GRM7: variants seen among roughly 807,000 people sequenced by gnomAD.
The protein encoded by GRM7 is glutamate metabotropic receptor 7.
A neutral mutation model predicts 84.5 loss-of-function variants in GRM7; 35 were observed. That is an observed-to-expected ratio of 0.41 (90% CI 0.32 to 0.55). The LOEUF (loss-of-function observed/expected upper bound fraction) is 0.55, where lower values mean the gene tolerates loss of function less well. Among genes scored for constraint, GRM7 ranks in the 20% least tolerant of loss-of-function variants. The pLI is 0.19. For synonymous variants in GRM7, 487 were observed against 455.1 expected (o/e 1.07, Z -0.89); for missense variants, 1,003 against 1,194.6 (o/e 0.84, Z 2.36).
At chr3:6,936,713 C>T (rs1288476930) in intron 1 of GRM7, among the ~76,000 whole-genome samples, 1 of 152,216 alleles carries the variant, frequency 6.6e-6, no homozygotes, top group Non-Finnish European at 1.5e-5. Context: ...CACAAGTCCC[C>T]TTTCCACGAC....
chr3:6,922,038 G>T (rs867543851), intron 1 of GRM7, among the ~76,000 whole-genome samples: 5 of 152,194 alleles, frequency 3.3e-5, no homozygotes, highest in Non-Finnish European at 7.3e-5. Flanking sequence ...GGGCCGTGGG[G>T]TTAGGTTTTC....
At chr3:7,461,784 T>G (rs139755291) in intron 7 of GRM7, 62 bp downstream of exon 7, 214 of 1,477,934 alleles carry the variant, frequency 1.4e-4, no homozygotes, top group Non-Finnish European at 1.9e-4. Flanking sequence ...TTTAATTTGC[T>G]CAGTTATACA....
chr3:6,988,284 C>T (rs1361655885), intron 1 of GRM7, among the ~76,000 whole-genome samples: 22 of 148,594 alleles, frequency 1.5e-4, no homozygotes, highest in African/African-American at 5.0e-4. Context: ...GCTGGGATTA[C>T]AGGCGTGATC....
Position 7,410,656 on chromosome 3 carries a change from C to CACACACACACACA in GRM7, c.1034-4367_1034-4366insACACACACACACA, listed in dbSNP as rs1553585549. 2.0e-3 allele frequency among the ~76,000 whole-genome samples: 280 copies of CACACACACACACA among 142,654 alleles called. 1 individual carries two copies. Among genetic ancestry groups the CACACACACACACA allele is most frequent in the African/African-American group, 6.8e-3 (264 of 38,676 alleles). The allele number at this position is 142,654 out of a possible 152,430, so 93.6% of individuals were successfully genotyped here. ...ACACATACACACAAAACCACCACCA[C>CACACACACACACA]CACACACACACACACACACACACGC... On this transcript the variant is annotated intron_variant, in intron 4 of 9. Coordinates refer to ENST00000357716, the MANE Select transcript of GRM7 (RefSeq NM_000844.4).
chr3:7,228,941 G>A (rs1210401230), intron 2 of GRM7, among the ~76,000 whole-genome samples: 1 of 152,210 alleles, frequency 6.6e-6, no homozygotes, highest in East Asian at 1.9e-4. Flanking sequence ...AATAACTTGA[G>A]AAATGTTGAC....
rs572021154 is a variant in GRM7, at chr3:7,367,604, T to C, written c.1034-47419T>C. ...TGTAGGAGAATAAACATGGGAGGGT[T>C]GAGGGCCCTGCATAATAATAATATC... On this transcript the variant is annotated intron_variant, in intron 4 of 9. Coordinates refer to ENST00000357716, the MANE Select transcript of GRM7 (RefSeq NM_000844.4). Among the ~76,000 whole-genome samples the C allele has an allele frequency of 2.2e-3, 334 of 151,990 alleles. 3 individuals are homozygous for C. The highest frequency in any genetic ancestry group is 7.7e-3 in the African/African-American group (319 of 41,518).
intron 1 of GRM7, among the ~76,000 whole-genome samples, chr3:6,990,760 C>A (rs928120809): frequency 2.0e-5 from 3 of 152,218 alleles, no homozygotes; most frequent in Non-Finnish European, 4.4e-5. Context: ...TTCTCCCCAA[C>A]ATTCCTCCTT....
chr3:7,223,575 T>A (rs1296747431), intron 2 of GRM7, among the ~76,000 whole-genome samples: 1 of 152,164 alleles, frequency 6.6e-6, no homozygotes, highest in Non-Finnish European at 1.5e-5. Context: ...CATCTTTCCT[T>A]TTTTATAGAA....
intron 1 of GRM7, among the ~76,000 whole-genome samples, chr3:6,959,239 T>C (rs773276111): frequency 4.6e-5 from 7 of 152,184 alleles, no homozygotes; most frequent in Non-Finnish European, 8.8e-5. Context: ...ACCTTTGCTT[T>C]GGTTGTATGG....
chr3:7,608,024 G>T (rs1471637221), intron 8 of GRM7: 2 of 348,318 alleles, frequency 5.7e-6, no homozygotes, highest in Non-Finnish European at 1.2e-5. Flanking sequence ...AAGGATAACA[G>T]CCTCCAGCTC....
At chr3:7,259,953 G>GTTGTTTTTTTTT (rs1553638860) in intron 2 of GRM7, among the ~76,000 whole-genome samples, 1 of 89,668 alleles carries the variant, frequency 1.1e-5, no homozygotes, top group Non-Finnish European at 1.9e-5. Context: ...ACCAGCATCT[G>GTTGTTTTTTTTT]TTTTTTTTTT....
At chr3:6,937,196 C>T (rs1697723394) in intron 1 of GRM7, among the ~76,000 whole-genome samples, 1 of 152,214 alleles carries the variant, frequency 6.6e-6, no homozygotes, top group African/African-American at 2.4e-5. Context: ...TATCAATTAT[C>T]ATAAATCACT....
Position 7,252,415 on chromosome 3 carries a change from G to T in GRM7, c.737-46269G>T, listed in dbSNP as rs146672693. ...TGCACATGGTCTGGGGATGTTGATGGCCTGTTGATTCTTTAAAGTGGCAGT... is the reference window on the plus strand; with the variant it reads ...TGCACATGGTCTGGGGATGTTGATGTCCTGTTGATTCTTTAAAGTGGCAGT... On this transcript the variant is annotated intron_variant, in intron 2 of 9. Transcript: ENST00000357716. 6.6e-5 allele frequency among the ~76,000 whole-genome samples: 10 copies of T among 152,266 alleles called. No homozygotes were observed. In the East Asian group the frequency reaches 1.7e-3, roughly 27 times the overall value.
At chr3:7,109,093 A>G (rs1365136282) in intron 1 of GRM7, among the ~76,000 whole-genome samples, 1 of 152,060 alleles carries the variant, frequency 6.6e-6, no homozygotes, top group Non-Finnish European at 1.5e-5. Context: ...GCTGAGCATA[A>G]AAGAGGCTGA....
chr3:7,086,994 A>G (rs796125511), intron 1 of GRM7, among the ~76,000 whole-genome samples: 8 of 152,294 alleles, frequency 5.3e-5, no homozygotes, highest in African/African-American at 1.9e-4. Flanking sequence ...GACATGGAAC[A>G]GACACATTTC....
At chr3:7,609,579 G>A (rs1401902637) in intron 8 of GRM7, among the ~76,000 whole-genome samples, 1 of 152,098 alleles carries the variant, frequency 6.6e-6, no homozygotes, top group East Asian at 1.9e-4. Flanking sequence ...ATGGGTAGGT[G>A]GGTGAATGTG....
At chr3:6,964,483 C>T (rs193285635) in intron 1 of GRM7, among the ~76,000 whole-genome samples, 4 of 152,132 alleles carry the variant, frequency 2.6e-5, no homozygotes, top group African/African-American at 9.7e-5. Flanking sequence ...TTCTTGCCCC[C>T]CATGGTGACT....
At chr3:7,677,857 G>A (rs1700197424) in intron 8 of GRM7, among the ~76,000 whole-genome samples, 1 of 152,136 alleles carries the variant, frequency 6.6e-6, no homozygotes, top group Admixed American at 6.5e-5. Context: ...ATCAACCTAG[G>A]TGCATCGACA....
chr3:7,111,541 T>C (rs908255087), intron 1 of GRM7, among the ~76,000 whole-genome samples: 3 of 152,122 alleles, frequency 2.0e-5, no homozygotes, highest in African/African-American at 7.2e-5. Flanking sequence ...CGTTAAGAGA[T>C]GGTCTTGCCT....
Sources: gnomAD v4.1 joint callset for allele counts (sites outside exome capture counted in the v4.1 genomes callset) on GRCh38, gnomAD v4.1.1 for gene constraint, MANE v1.5 for transcripts, NCBI Gene and HGNC (gene_info 2026-07-23, HGNC 2026-07-21) for gene names.